Variants in CFAP77 observed in about 807,000 individuals in gnomAD.
CFAP77 encodes the protein cilia and flagella associated protein 77.
Under a neutral mutation model 31.1 loss-of-function variants are expected in CFAP77, and 25 were observed. That is an observed-to-expected ratio of 0.80 (90% CI 0.59 to 1.12). The LOEUF is 1.12. Ranked by LOEUF, CFAP77 falls within the 50% of genes most tolerant of loss-of-function variation. CFAP77 has a pLI of 0.00. For synonymous variants in CFAP77, 151 were observed against 159.9 expected, an observed-to-expected ratio of 0.94 and a Z score of 0.42; for missense variants, 377 against 397.3, an observed-to-expected ratio of 0.95 and a Z score of 0.44.
chr9:132,438,199 C>CAAAAAAAAAAA (rs954482789), intron 1 of CFAP77, among the ~76,000 whole-genome samples: 1 of 47,880 alleles, frequency 2.1e-5, no homozygotes, highest in Non-Finnish European at 4.3e-5. Context: ...GAGACGCCAT[C>CAAAAAAAAAAA]AAAAAAAAAA....
chr9:132,470,609 T>G (rs1851238075), intron 1 of CFAP77, among the ~76,000 whole-genome samples: 1 of 152,214 alleles, frequency 6.6e-6, no homozygotes, highest in Non-Finnish European at 1.5e-5. Context: ...CCCAAGTGCG[T>G]CCAATGCTTG....
At chr9:132,494,773 G>A (rs971681480) in intron 1 of CFAP77, among the ~76,000 whole-genome samples, 3 of 152,152 alleles carry the variant, frequency 2.0e-5, no homozygotes, top group African/African-American at 7.2e-5. Flanking sequence ...TTTCCCAGAG[G>A]TTGACACCTT....
chr9:132,459,813 G>T (rs1158517889), intron 1 of CFAP77, among the ~76,000 whole-genome samples: 1 of 150,366 alleles, frequency 6.7e-6, no homozygotes, highest in East Asian at 2.0e-4. Context: ...GTGTGTATGT[G>T]TGTGTATGAG....
At chr9:132,521,778 T>TTTTTTTTTTTTTTTTG (rs533275755) in intron 3 of CFAP77, among the ~76,000 whole-genome samples, 94 of 106,150 alleles carry the variant, frequency 8.9e-4, no homozygotes, top group African/African-American at 1.5e-3. Context: ...TTTTTTTTTT[T>TTTTTTTTTTTTTTTTG]TTTTTTGAGA....
chr9:132,568,328 G>T (rs1942218301), intron 5 of CFAP77, among the ~76,000 whole-genome samples: 1 of 152,220 alleles, frequency 6.6e-6, no homozygotes, highest in Non-Finnish European at 1.5e-5. Context: ...GCCGAGGCGG[G>T]TGGATCACCT....
chr9:132,561,413 C>A (rs908479768), intron 5 of CFAP77, among the ~76,000 whole-genome samples: 3 of 151,712 alleles, frequency 2.0e-5, no homozygotes, highest in African/African-American at 2.4e-5. Flanking sequence ...AGACCTGGCA[C>A]TGGAAGCTTG....
chr9:132,572,236 G>A, intron 5 of CFAP77, 152 bp from the exon 6 acceptor site: 2 of 960,586 alleles, frequency 2.1e-6, no homozygotes, highest in Non-Finnish European at 3.1e-6. Flanking sequence ...CTCAGCACCA[G>A]GAGGCTCACA....
chr9:132,557,638 T>C (rs748956631), intron 5 of CFAP77, among the ~76,000 whole-genome samples: 1 of 152,240 alleles, frequency 6.6e-6, no homozygotes, highest in Non-Finnish European at 1.5e-5. Flanking sequence ...CTCCCCAAGC[T>C]GACTATGGGA....
At chr9:132,461,910 G>A (rs1453665623) in intron 1 of CFAP77, among the ~76,000 whole-genome samples, 3 of 152,140 alleles carry the variant, frequency 2.0e-5, no homozygotes, top group African/African-American at 4.8e-5. Flanking sequence ...TTTTTTAAAC[G>A]CCCCAAGGGT....
chr9:132,505,419 A>T (rs1011648544), intron 3 of CFAP77, among the ~76,000 whole-genome samples: 6 of 152,112 alleles, frequency 3.9e-5, no homozygotes, highest in African/African-American at 1.4e-4. Context: ...GGAAGGGTGC[A>T]TTTCAATCCC....
At position 132,450,069 on chromosome 9, in the gene CFAP77, T is replaced by C. The variant is rs777715659; in HGVS notation, c.195+39603T>C. On this transcript the variant is annotated intron_variant, in intron 1 of 5. Coordinates refer to ENST00000393216, the MANE Select transcript of CFAP77 (RefSeq NM_001282957.2). ...CTGGGACTACTGGTGCCCGCCACCA[T>C]GCCCACACCCGCCACCACGCCCGGC... Among the ~76,000 whole-genome samples, 240 of 152,148 alleles carry C rather than the reference T, an allele frequency of 1.6e-3. 1 individual carries two copies. The highest frequency in any genetic ancestry group is 2.7e-3 in the Non-Finnish European group (181 of 67,984).
intron 1 of CFAP77, among the ~76,000 whole-genome samples, chr9:132,415,383 G>T (rs937653147): frequency 1.3e-5 from 2 of 152,060 alleles, no homozygotes. Flanking sequence ...GCCCAGCTCC[G>T]TGGCCATTTC....
chr9:132,513,442 C>A, intron 3 of CFAP77: 1 of 1,395,236 alleles, frequency 7.2e-7, no homozygotes, highest in Non-Finnish European at 9.5e-7. Flanking sequence ...TAGCCTCAGC[C>A]CCTCCCCGTC....
In CFAP77 at chr9:132,554,909, TATGC is replaced by T. The variant is rs143850114; in HGVS notation, c.732+11877_732+11880del. On this transcript the variant is annotated intron_variant, in intron 5 of 5. Coordinates refer to ENST00000393216, the MANE Select transcript of CFAP77 (RefSeq NM_001282957.2). The surrounding 1 kb of genome is among the most constrained non-coding windows in gnomAD (Gnocchi z 4.1). The stretch of plus-strand genomic sequence containing the variant: ...CCAACCATCTATCTATCCATCCATC[TATGC>T]ATGCATGCATGCATCCATCCATCCA... 0.039 allele frequency among the ~76,000 whole-genome samples: 5,841 copies of T among 148,024 alleles called. 159 individuals are homozygous for T. Among genetic ancestry groups the T allele is most frequent in the Middle Eastern group, 0.07 (20 of 286 alleles).
rs372332414 is a variant in CFAP77 at position 132,528,442 on chromosome 9, G to A, written c.525-9159G>A. 2.4e-4 allele frequency among the ~76,000 whole-genome samples: 35 copies of A among 148,468 alleles called. 2 individuals are homozygous for A. Among genetic ancestry groups the A allele is most frequent in the East Asian group, 2.0e-4 (1 of 5,064 alleles). On this transcript the variant is annotated intron_variant, in intron 3 of 5. Coordinates refer to ENST00000393216, the MANE Select transcript of CFAP77 (RefSeq NM_001282957.2). ...AGGCATTACCATTCAGGACATAGGC[G>A]TGGGCAAGGTCTTCATGTCCAAAAC...
rs1377540862 is a variant in CFAP77 at position 132,539,523 on chromosome 9, G to A, written c.630+1817G>A. ...GAGTCCAGGCTCTTCCTGAAGAAGA[G>A]GTCCCACTCCTGCTGTTTACGGAAA... is the stretch of plus-strand genomic sequence containing the variant. On this transcript the variant is annotated intron_variant, in intron 4 of 5. Coordinates refer to ENST00000393216, the MANE Select transcript of CFAP77 (RefSeq NM_001282957.2). The surrounding 1 kb of genome is among the most constrained non-coding windows in gnomAD (Gnocchi z 4.3). 6.6e-6 allele frequency among the ~76,000 whole-genome samples: 1 copy of A among 152,168 alleles called. No individual in the cohort carries two copies. Among genetic ancestry groups the A allele is most frequent in the East Asian group, 1.9e-4 (1 of 5,196 alleles).
chr9:132,483,199 A>T (rs1451726158), intron 1 of CFAP77, among the ~76,000 whole-genome samples: 1 of 152,160 alleles, frequency 6.6e-6, no homozygotes, highest in Non-Finnish European at 1.5e-5. Flanking sequence ...TGAACCCAGG[A>T]GGCAGAGGTT....
intron 1 of CFAP77, among the ~76,000 whole-genome samples, chr9:132,452,519 AG>A (rs1850844397): frequency 6.6e-6 from 1 of 152,174 alleles, no homozygotes; most frequent in African/African-American, 2.4e-5. Flanking sequence ...GGAGAAGAAA[AG>A]GCCAAAATAG....
intron 3 of CFAP77, chr9:132,513,422 C>T: frequency 6.8e-7 from 1 of 1,474,370 alleles, no homozygotes; most frequent in Non-Finnish European, 9.0e-7. Flanking sequence ...GGCCCCTGTG[C>T]ACACCTTCCT....
Sources: gnomAD v4.1 joint callset for allele counts (sites outside exome capture counted in the v4.1 genomes callset) on GRCh38, gnomAD v4.1.1 for gene constraint, Gnocchi (gnomAD v3.1) non-coding constraint, MANE v1.5 for transcripts, NCBI Gene and HGNC (gene_info 2026-07-23, HGNC 2026-07-21) for gene names.